ZNF567: variants seen among roughly 807,000 people sequenced by gnomAD.
The protein encoded by ZNF567 is zinc finger protein 567.
A neutral mutation model predicts 53.9 loss-of-function variants in ZNF567; 36 were observed. The observed-to-expected ratio is 0.67, with a 90% CI of 0.51 to 0.88. The LOEUF is 0.88. Among genes scored for constraint, ZNF567 ranks in the 40% least tolerant of loss-of-function variants. The pLI, the probability that ZNF567 is intolerant of heterozygous loss-of-function variation, is 0.00. For synonymous variants in ZNF567, 224 were observed against 260.4 expected, an observed-to-expected ratio of 0.86 and a Z score of 1.35; for missense variants, 619 against 764.7, an observed-to-expected ratio of 0.81 and a Z score of 2.25.
At chr19:36,667,098 G>A in the ZNF567 span, among the ~76,000 whole-genome samples, 1 of 152,208 alleles carries the variant, frequency 6.6e-6, no homozygotes, top group Non-Finnish European at 1.5e-5. Flanking sequence ...TTCGGCGGGC[G>A]CGGACTAACC....
At chr19:36,684,569 C>G (rs1169315840), upstream of ZNF567, among the ~76,000 whole-genome samples, 1 of 152,126 alleles carries the variant, frequency 6.6e-6, no homozygotes, top group African/African-American at 2.4e-5. Context: ...TTATACACAA[C>G]GAGTTCCTCT....
chr19:36,692,864 G>C (rs1245682202), intron 2 of ZNF567, among the ~76,000 whole-genome samples: 1 of 152,084 alleles, frequency 6.6e-6, no homozygotes, highest in Non-Finnish European at 1.5e-5. Context: ...AGTGCCTATG[G>C]TGTCTGATTC....
At chr19:36,724,194 T>C (rs1010598754), downstream of ZNF567, among the ~76,000 whole-genome samples, 13 of 151,340 alleles carry the variant, frequency 8.6e-5, no homozygotes, top group South Asian at 4.2e-4. Flanking sequence ...TTAGTAGAGA[T>C]AGGGTTTCTC....
intron 3 of ZNF567, among the ~76,000 whole-genome samples, chr19:36,704,813 A>G (rs539993240): frequency 1.3e-5 from 2 of 152,306 alleles, no homozygotes; most frequent in African/African-American, 4.8e-5. Flanking sequence ...TTCACTGTGA[A>G]GCCATCTATC....
At chr19:36,725,236 C>G (rs950308865), downstream of ZNF567, among the ~76,000 whole-genome samples, 2 of 151,970 alleles carry the variant, frequency 1.3e-5, no homozygotes, top group African/African-American at 2.4e-5. Context: ...GAGTTTCACT[C>G]TTGTTGCCCA....
At chr19:36,715,147 C>G (rs2039977820) in intron 5 of ZNF567, among the ~76,000 whole-genome samples, 1 of 151,750 alleles carries the variant, frequency 6.6e-6, no homozygotes, top group Non-Finnish European at 1.5e-5. Flanking sequence ...TTAAATTTTT[C>G]CCCACTATTT....
chr19:36,692,298 G>A (rs1027248791), intron 2 of ZNF567, among the ~76,000 whole-genome samples: 4 of 152,174 alleles, frequency 2.6e-5, no homozygotes, highest in Non-Finnish European at 4.4e-5. Flanking sequence ...GTAAAAACAC[G>A]CACATAATGA....
chr19:36,717,618 A>G (rs1410677584), intron 5 of ZNF567, among the ~76,000 whole-genome samples: 1 of 152,210 alleles, frequency 6.6e-6, no homozygotes, highest in Non-Finnish European at 1.5e-5. Flanking sequence ...TATATGTTAG[A>G]ATTGAAGTTC....
rs12461023 is a variant in ZNF567 at position 36,695,795 on chromosome 19, T to C, written c.9+919T>C. ...CAAAAATGCATTTCCTTGAACTAAA[T>C]GAAAATGTATTACTGAATGAACCTG... On this transcript the variant is annotated intron_variant, in intron 3 of 5. Coordinates refer to ENST00000682579, the MANE Select transcript of ZNF567 (RefSeq NM_001322917.1). 5.5e-3 allele frequency among the ~76,000 whole-genome samples: 838 copies of C among 152,182 alleles called. 24 individuals are homozygous for C. The highest frequency in any genetic ancestry group is 0.037 in the Admixed American group (566 of 15,282).
rs538017368 is a variant in ZNF567 at position 36,717,550 on chromosome 19, T to G, written c.224-1398T>G. 2.6e-5 allele frequency among the ~76,000 whole-genome samples: 4 copies of G among 152,250 alleles called. No homozygotes were observed. The South Asian group carries it at 6.2e-4, about 24-fold the overall frequency. ...GTATGTGGACAACCCTGAAAACTTGTGAGAATATAAAAAATGAATCTAGAC... is the reference window on the plus strand; with the variant it reads ...GTATGTGGACAACCCTGAAAACTTGGGAGAATATAAAAAATGAATCTAGAC... On this transcript the variant is annotated intron_variant, in intron 5 of 5. Transcript: ENST00000682579.
At chr19:36,723,940 A>G (rs2040323297), downstream of ZNF567, among the ~76,000 whole-genome samples, 1 of 151,414 alleles carries the variant, frequency 6.6e-6, no homozygotes, top group East Asian at 1.9e-4. Context: ...TGTTCTTTGT[A>G]TGAAAAACTG....
intron 3 of ZNF567, among the ~76,000 whole-genome samples, chr19:36,710,689 AG>A (rs1165828910): frequency 6.6e-6 from 1 of 152,016 alleles, no homozygotes. Context: ...GGAATTGGTG[AG>A]TGTTTAGATT....
intron 3 of ZNF567, among the ~76,000 whole-genome samples, chr19:36,710,145 T>C (rs988333850): frequency 2.0e-5 from 3 of 152,176 alleles, no homozygotes; most frequent in African/African-American, 7.2e-5. Flanking sequence ...TTTCTTTCTG[T>C]TCAGATTACT....
intron 5 of ZNF567, among the ~76,000 whole-genome samples, chr19:36,713,282 C>G (rs1331778957): frequency 1.3e-5 from 2 of 151,908 alleles, no homozygotes; most frequent in Admixed American, 1.3e-4. Flanking sequence ...TGGCAAAACC[C>G]CATCTTTACA....
chr19:36,713,386 A>G (rs1264905510), intron 5 of ZNF567, among the ~76,000 whole-genome samples: 3 of 151,744 alleles, frequency 2.0e-5, no homozygotes, highest in Non-Finnish European at 4.4e-5. Context: ...GAGCCCAGGA[A>G]GTCAAGTCTG....
chr19:36,697,100 A>G (rs895289075), intron 3 of ZNF567, among the ~76,000 whole-genome samples: 4 of 152,322 alleles, frequency 2.6e-5, no homozygotes, highest in African/African-American at 9.6e-5. Flanking sequence ...AATAATAATC[A>G]TTAATGCTAA....
intron 2 of ZNF567, among the ~76,000 whole-genome samples, chr19:36,689,858 G>A (rs2038504182): frequency 6.6e-6 from 1 of 152,132 alleles, no homozygotes; most frequent in South Asian, 2.1e-4. Context: ...GTAAAAAAGG[G>A]AGAATCACTC....
upstream of ZNF567, among the ~76,000 whole-genome samples, chr19:36,683,720 T>A (rs1269004389): frequency 6.6e-6 from 1 of 152,056 alleles, no homozygotes; most frequent in African/African-American, 2.4e-5. Context: ...TAGTCCCAGC[T>A]ACTTGGGAGG....
chr19:36,671,709 C>T, the ZNF567 span, among the ~76,000 whole-genome samples: 1 of 152,172 alleles, frequency 6.6e-6, no homozygotes, highest in Non-Finnish European at 1.5e-5. Context: ...TAGAAAACGA[C>T]TCTTCAGAGG....
Sources: allele counts gnomAD v4.1 joint callset (sites outside exome capture counted in the v4.1 genomes callset), GRCh38; gene constraint gnomAD v4.1.1; transcripts MANE v1.5; gene names NCBI Gene and HGNC (gene_info 2026-07-23, HGNC 2026-07-21).